Variants in UGGT2 observed in about 807,000 individuals in gnomAD.
UGGT2 encodes the protein UDP-glucose glycoprotein glucosyltransferase 2.
A neutral mutation model predicts 192.1 loss-of-function variants in UGGT2; 180 were observed. The ratio of observed to expected loss-of-function variants is 0.94; its 90% confidence interval spans 0.83 to 1.06. UGGT2 has a LOEUF of 1.06. Ranked by LOEUF, UGGT2 falls within the 50% of genes least tolerant of loss-of-function variation. The pLI, the probability that UGGT2 is intolerant of heterozygous loss-of-function variation, is 0.00. For synonymous variants in UGGT2, 580 were observed against 591.0 expected (o/e 0.98, Z 0.27); for missense variants, 1,849 against 1,795.7 (o/e 1.03, Z -0.54).
chr13:95,854,318 ATAT>A lies in UGGT2; in HGVS notation c.4163_4165del (p.His1388_Ile1389delinsLeu). 1 of 1,611,358 alleles carries A rather than the reference ATAT, an allele frequency of 6.2e-7. No individual in the cohort carries two copies. Among genetic ancestry groups the A allele is most frequent in the Non-Finnish European group, 8.5e-7 (1 of 1,179,090 alleles). ...GTAAGGGTCTGACTTTTCTTACCTG[ATAT>A]GGTATTTCCGTCTTAAAAGATGTGA... On this transcript the variant is annotated inframe_deletion, in exon 35 of 39. Coordinates refer to ENST00000376747, the MANE Select transcript of UGGT2 (RefSeq NM_020121.4).
intron 29 of UGGT2, among the ~76,000 whole-genome samples, chr13:95,875,542 G>A (rs538154127): frequency 2.0e-5 from 3 of 152,116 alleles, no homozygotes; most frequent in Admixed American, 1.3e-4. Context: ...CTTTCCAAAC[G>A]AAAAACTTCT....
intron 29 of UGGT2, 39 bp from the exon 30 acceptor site, chr13:95,867,462 T>C (rs1449771597): frequency 4.6e-6 from 7 of 1,508,812 alleles, no homozygotes; most frequent in Non-Finnish European, 4.5e-6. Context: ...AATTTAAGAA[T>C]AGACATACAA....
At chr13:95,904,770 C>G (rs1382860319) in intron 20 of UGGT2, among the ~76,000 whole-genome samples, 1 of 152,024 alleles carries the variant, frequency 6.6e-6, no homozygotes, top group Non-Finnish European at 1.5e-5. Flanking sequence ...GTGCATGTGT[C>G]TTTATAGCAC....
intron 17 of UGGT2, among the ~76,000 whole-genome samples, chr13:95,929,511 C>G (rs1297801215): frequency 6.6e-6 from 1 of 152,072 alleles, no homozygotes; most frequent in Non-Finnish European, 1.5e-5. Flanking sequence ...CTATGAGTAC[C>G]AAATGTTTAG....
intron 26 of UGGT2, among the ~76,000 whole-genome samples, chr13:95,885,400 C>T (rs746544897): frequency 2.0e-5 from 3 of 152,184 alleles, no homozygotes; most frequent in Admixed American, 6.5e-5. Context: ...ACCGCAGTTC[C>T]TTGCTGGTAG....
chr13:96,049,026 CAA>C (rs1003982613), intron 1 of UGGT2, among the ~76,000 whole-genome samples: 1 of 151,962 alleles, frequency 6.6e-6, no homozygotes, highest in Non-Finnish European at 1.5e-5. Flanking sequence ...AGAGACACAA[CAA>C]AAAAAGAGAA....
intron 17 of UGGT2, among the ~76,000 whole-genome samples, chr13:95,928,114 T>C (rs1027978258): frequency 9.2e-5 from 14 of 152,338 alleles, no homozygotes; most frequent in African/African-American, 3.4e-4. Context: ...TTCCCCACAT[T>C]TCCCCCTTTT....
chr13:95,877,731 A>T lies in UGGT2; in HGVS notation c.3354T>A (p.Pro1118=), dbSNP rs1478578161. 1 of 1,614,030 alleles carries T rather than the reference A, an allele frequency of 6.2e-7. No homozygotes were observed. Among genetic ancestry groups the T allele is most frequent in the South Asian group, 1.1e-5 (1 of 91,052 alleles). Residue 1118 remains proline (P), a synonymous_variant, in exon 28 of 39, where the codon CCT becomes CCA. Transcript: ENST00000376747. The stretch of plus-strand genomic sequence containing the variant: ...CCATCACTATTGTATCAACCACAGC[A>T]GGTTTATTTTTTGTGCCTAGTGTGA... ...LQFTLGTKNK[P]AVVDTIVMAH...
intron 21 of UGGT2, among the ~76,000 whole-genome samples, chr13:95,902,585 A>C (rs1594274951): frequency 6.6e-6 from 1 of 151,962 alleles, no homozygotes; most frequent in East Asian, 1.9e-4. Context: ...TTAACCCCCA[A>C]TTCTTCACTT....
At chr13:95,833,653 T>C (rs1371530001) in intron 37 of UGGT2, among the ~76,000 whole-genome samples, 1 of 152,142 alleles carries the variant, frequency 6.6e-6, no homozygotes, top group Non-Finnish European at 1.5e-5. Flanking sequence ...AGAAGGTTGA[T>C]AAGAGTCTGA....
intron 27 of UGGT2, among the ~76,000 whole-genome samples, chr13:95,883,913 A>C (rs1225467770): frequency 3.3e-5 from 5 of 152,116 alleles, no homozygotes; most frequent in African/African-American, 1.2e-4. Context: ...ACAACAGCTG[A>C]GGAAGAGAAG....
intron 26 of UGGT2, among the ~76,000 whole-genome samples, chr13:95,884,986 T>C (rs943808841): frequency 4.6e-5 from 7 of 152,218 alleles, no homozygotes; most frequent in Non-Finnish European, 8.8e-5. Flanking sequence ...GTTATTGTAT[T>C]ATGATTTGTA....
chr13:95,881,635 G>T (rs932808660), intron 27 of UGGT2, among the ~76,000 whole-genome samples: 1 of 152,028 alleles, frequency 6.6e-6, no homozygotes, highest in African/African-American at 2.4e-5. Flanking sequence ...TGTTTCAGAG[G>T]GATTAATGCA....
At chr13:95,841,759 C>T (rs1304609166) in intron 36 of UGGT2, among the ~76,000 whole-genome samples, 1 of 152,076 alleles carries the variant, frequency 6.6e-6, no homozygotes, top group Non-Finnish European at 1.5e-5. Context: ...AAAAACATTG[C>T]CTAATCCAAA....
intron 30 of UGGT2, among the ~76,000 whole-genome samples, chr13:95,865,894 T>A (rs78550180): frequency 1.6e-3 from 247 of 152,334 alleles, no homozygotes; most frequent in African/African-American, 5.5e-3. Flanking sequence ...CTGTAAGGTA[T>A]ATTCTATTGT....
intron 10 of UGGT2, among the ~76,000 whole-genome samples, chr13:95,981,340 T>A (rs2051117760): frequency 1.0e-4 from 1 of 9,682 alleles, no homozygotes; most frequent in Non-Finnish European, 5.3e-4. Flanking sequence ...GGCGCGCGCC[T>A]GTGGTCCCGG....
chr13:96,003,194 T>C (rs1030532466), intron 5 of UGGT2, among the ~76,000 whole-genome samples: 1 of 152,168 alleles, frequency 6.6e-6, no homozygotes, highest in Non-Finnish European at 1.5e-5. Flanking sequence ...ACCAGACTCA[T>C]GCCAGTGGAT....
intron 38 of UGGT2, chr13:95,809,423 C>A: frequency 2.6e-6 from 1 of 387,182 alleles, no homozygotes; most frequent in South Asian, 2.0e-5. Flanking sequence ...CACTTCAGCC[C>A]ATTTTCCCTT....
intron 36 of UGGT2, among the ~76,000 whole-genome samples, chr13:95,849,608 T>C (rs1394397249): frequency 6.6e-6 from 1 of 151,708 alleles, no homozygotes; most frequent in African/African-American, 2.4e-5. Flanking sequence ...AACTTTCTTT[T>C]ATTATATTTA....
Sources: allele counts gnomAD v4.1 joint callset (sites outside exome capture counted in the v4.1 genomes callset), GRCh38; gene constraint gnomAD v4.1.1; transcripts MANE v1.5; gene names NCBI Gene and HGNC (gene_info 2026-07-23, HGNC 2026-07-21).